Variants in PTPRM observed in about 807,000 individuals in gnomAD.
The protein encoded by PTPRM is receptor-type tyrosine-protein phosphatase mu.
PTPRM carries 47 observed loss-of-function variants against 186.7 expected under a neutral mutation model. The observed-to-expected ratio is 0.25, with a 90% CI of 0.20 to 0.32. The LOEUF is 0.32. Among genes scored for constraint, PTPRM ranks in the 10% least tolerant of loss-of-function variants. PTPRM has a pLI of 1.00. For synonymous variants in PTPRM, 668 were observed against 674.9 expected (o/e 0.99, Z 0.16); for missense variants, 1,494 against 1,865.0 (o/e 0.80, Z 3.66).
At chr18:7,674,293 A>G (rs546650906) in intron 1 of PTPRM, among the ~76,000 whole-genome samples, 173 of 152,318 alleles carry the variant, frequency 1.1e-3, no homozygotes, top group African/African-American at 3.6e-3. Flanking sequence ...TTTGAAAACC[A>G]TCCTTGTAAA....
At chr18:8,230,476 T>A (rs1443122834) in intron 14 of PTPRM, among the ~76,000 whole-genome samples, 1 of 152,224 alleles carries the variant, frequency 6.6e-6, no homozygotes, top group African/African-American at 2.4e-5. Context: ...CCCAGGATCA[T>A]TTTATCTCAA....
Position 7,974,318 on chromosome 18 carries a change from C to G in PTPRM, c.1132+18904C>G, listed in dbSNP as rs75785935. ...CAAAACTAACAAGTCTCCTGCCCTC[C>G]TGGACACAGCTTTCTAGTTTCTAAA... is the stretch of plus-strand genomic sequence containing the variant. On this transcript the variant is annotated intron_variant, in intron 7 of 32. Coordinates refer to ENST00000580170, the MANE Select transcript of PTPRM (RefSeq NM_001105244.2). 5.0e-3 allele frequency among the ~76,000 whole-genome samples: 754 copies of G among 152,308 alleles called. 7 individuals are homozygous for G. The highest frequency in any genetic ancestry group is 0.017 in the African/African-American group (714 of 41,562).
chr18:8,245,935 A>C (rs2094472974), intron 15 of PTPRM, among the ~76,000 whole-genome samples: 2 of 152,208 alleles, frequency 1.3e-5, no homozygotes, highest in Non-Finnish European at 2.9e-5. Context: ...AAAAATGTTC[A>C]TGTACAAACG....
chr18:8,179,744 A>C (rs539843333), intron 14 of PTPRM, among the ~76,000 whole-genome samples: 1 of 152,338 alleles, frequency 6.6e-6, no homozygotes, highest in Non-Finnish European at 1.5e-5. Context: ...CTGGGATTAC[A>C]GGCATGAGCC....
intron 1 of PTPRM, among the ~76,000 whole-genome samples, chr18:7,687,206 C>G (rs2039622357): frequency 6.6e-6 from 1 of 152,098 alleles, no homozygotes; most frequent in Non-Finnish European, 1.5e-5. Context: ...CAGATCATCA[C>G]TTTTGATAGC....
At chr18:8,132,762 A>C (rs1258305527) in intron 13 of PTPRM, among the ~76,000 whole-genome samples, 2 of 152,182 alleles carry the variant, frequency 1.3e-5, no homozygotes, top group Non-Finnish European at 2.9e-5. Context: ...CGTTCTAGTC[A>C]TTGTTGGATA....
chr18:7,755,771 A>G (rs556185562), intron 1 of PTPRM, among the ~76,000 whole-genome samples: 10 of 152,290 alleles, frequency 6.6e-5, no homozygotes, highest in East Asian at 3.9e-4. Flanking sequence ...CAGATTTTCT[A>G]TTTTGCACTG....
chr18:7,863,424 C>T (rs1426638073), intron 2 of PTPRM, among the ~76,000 whole-genome samples: 1 of 152,030 alleles, frequency 6.6e-6, no homozygotes, highest in African/African-American at 2.4e-5. Context: ...CGTTCGACTC[C>T]CTCTTATGTG....
At chr18:8,165,936 G>A (rs1294631059) in intron 14 of PTPRM, among the ~76,000 whole-genome samples, 3 of 152,174 alleles carry the variant, frequency 2.0e-5, no homozygotes, top group Non-Finnish European at 4.4e-5. Flanking sequence ...GTCCCTCTCA[G>A]TTGAATGAAG....
chr18:8,379,127 A>G, intron 27 of PTPRM, 40 bp from the exon 28 acceptor site: 1 of 1,524,382 alleles, frequency 6.6e-7, no homozygotes, highest in Non-Finnish European at 8.8e-7. Flanking sequence ...GTCCGCTGCC[A>G]AGGCTTCTTG....
chr18:7,689,513 A>G (rs1033514948), intron 1 of PTPRM, among the ~76,000 whole-genome samples: 19 of 152,322 alleles, frequency 1.2e-4, no homozygotes, highest in African/African-American at 3.1e-4. Flanking sequence ...TAAAATTCCA[A>G]TGACATCTAC....
chr18:8,403,845 C>T (rs1168803381), intron 32 of PTPRM: 3 of 152,208 alleles, frequency 2.0e-5, no homozygotes, highest in African/African-American at 7.2e-5. Flanking sequence ...ATTTCTTTCA[C>T]TCAGCAGATT....
chr18:8,360,012 G>A (rs2095587242), intron 23 of PTPRM, among the ~76,000 whole-genome samples: 1 of 152,120 alleles, frequency 6.6e-6, no homozygotes, highest in African/African-American at 2.4e-5. Context: ...GAAGGCTTAG[G>A]GTTGTCTGGC....
chr18:8,139,258 C>A (rs1037670820), intron 13 of PTPRM, among the ~76,000 whole-genome samples: 3 of 152,182 alleles, frequency 2.0e-5, no homozygotes, highest in African/African-American at 7.2e-5. Context: ...TGCCAGAAAT[C>A]TGGTTGTTAT....
intron 19 of PTPRM, among the ~76,000 whole-genome samples, chr18:8,255,606 C>G (rs2094567122): frequency 6.6e-6 from 1 of 152,028 alleles, no homozygotes; most frequent in Non-Finnish European, 1.5e-5. Context: ...CTTTTAAACC[C>G]TAAAGCCATT....
chr18:7,613,624 G>A (rs1294329608), intron 1 of PTPRM, among the ~76,000 whole-genome samples: 2 of 151,838 alleles, frequency 1.3e-5, no homozygotes, highest in East Asian at 1.9e-4. Context: ...AGTGAGCCAA[G>A]ATTATGCCAC....
chr18:7,739,254 C>A (rs1023260672), intron 1 of PTPRM, among the ~76,000 whole-genome samples: 1 of 152,036 alleles, frequency 6.6e-6, no homozygotes, highest in African/African-American at 2.4e-5. Flanking sequence ...ACGTTGAGTT[C>A]TTTGACAACT....
chr18:7,789,285 A>C (rs987814601), intron 2 of PTPRM, among the ~76,000 whole-genome samples: 1 of 152,162 alleles, frequency 6.6e-6, no homozygotes, highest in Non-Finnish European at 1.5e-5. Context: ...TGATTGTGCC[A>C]CTGCACTCCA....
chr18:7,921,659 C>G (rs567960722), intron 4 of PTPRM, among the ~76,000 whole-genome samples: 1 of 152,108 alleles, frequency 6.6e-6, no homozygotes, highest in Admixed American at 6.5e-5. Flanking sequence ...GGATTACAGG[C>G]GTGAGCCACC....
Sources: gnomAD v4.1 joint callset for allele counts (sites outside exome capture counted in the v4.1 genomes callset) on GRCh38, gnomAD v4.1.1 for gene constraint, MANE v1.5 for transcripts, NCBI Gene and HGNC (gene_info 2026-07-23, HGNC 2026-07-21) for gene names.